Variants in IRAK4 observed in about 807,000 individuals in gnomAD.
IRAK4 encodes the protein interleukin 1 receptor associated kinase 4.
In IRAK4, 44 loss-of-function variants were observed where a neutral mutation model predicts 51.8. The ratio of observed to expected loss-of-function variants is 0.85; its 90% CI spans 0.67 to 1.09. IRAK4 has a LOEUF of 1.09. Ranked by LOEUF, IRAK4 falls within the 50% of genes least tolerant of loss-of-function variation. IRAK4 has a pLI of 0.00. For missense variants in IRAK4, 487 were observed against 538.0 expected (o/e 0.91, Z 0.94); for synonymous variants, 149 against 174.1 (o/e 0.86, Z 1.13).
Position 43,786,726 on chromosome 12 carries a change from G to C in IRAK4, c.*11G>C. ...ATGACAGCTTCTTAAAACTTTATTGGAAAAGACTCTTGACTTTTTATATAC... is the reference window on the plus strand; with the variant it reads ...ATGACAGCTTCTTAAAACTTTATTGCAAAAGACTCTTGACTTTTTATATAC... On this transcript the variant is annotated 3_prime_UTR_variant, in exon 12 of 12. Coordinates refer to ENST00000613694, the MANE Select transcript of IRAK4 (RefSeq NM_016123.4). 2 of 1,610,972 alleles carry C rather than the reference G, an allele frequency of 1.2e-6. No homozygotes were observed. The highest frequency in any genetic ancestry group is 1.7e-6 in the Non-Finnish European group (2 of 1,177,572).
At chr12:43,772,771 G>A (rs1940902038) in intron 4 of IRAK4, 141 bp from the exon 5 acceptor site, 1 of 687,242 alleles carries the variant, frequency 1.5e-6, no homozygotes, top group Non-Finnish European at 2.4e-6. Flanking sequence ...TTGTATTTTA[G>A]AAATGGTTTT....
chr12:43,784,910 T>A (rs933056057), intron 10 of IRAK4, among the ~76,000 whole-genome samples: 1 of 152,216 alleles, frequency 6.6e-6, no homozygotes, highest in African/African-American at 2.4e-5. Flanking sequence ...TGAAAGTGGT[T>A]TTGAAGAGTT....
chr12:43,786,988 G>C lies in IRAK4; in HGVS notation c.*273G>C. 2.1e-6 allele frequency: 1 copy of C among 465,390 alleles called. No homozygotes were observed. The highest frequency in any genetic ancestry group is 3.8e-5 in the East Asian group (1 of 26,666). The allele number at this position is 465,390 out of a possible 1,614,324, so 28.8% of individuals were successfully genotyped here. ...ACCAAACACAGTTTGAAAATTACAG[G>C]GTTAGCAAAAAGAGCCTGGGCTGTA... is the stretch of plus-strand genomic sequence containing the variant. On this transcript the variant is annotated 3_prime_UTR_variant, in exon 12 of 12. Transcript: ENST00000613694.
At chr12:43,786,039 ATT>A (rs58528160) in intron 10 of IRAK4, among the ~76,000 whole-genome samples, 137 of 140,456 alleles carry the variant, frequency 9.8e-4, no homozygotes, top group Middle Eastern at 7.5e-3. Context: ...TATGTCTTCA[ATT>A]TTTTTTTTTT....
At position 43,773,026 on chromosome 12, in the gene IRAK4, A is replaced by G. The variant is rs191097365; in HGVS notation, c.605A>G (p.Lys202Arg). The change falls in exon 5 of 12, where the codon AAA becomes AGA. Residue 202 changes from lysine (K) to arginine (R), a missense_variant. Lys to Arg is a conservative substitution (Grantham distance 26, BLOSUM62 2). Coordinates refer to ENST00000613694, the MANE Select transcript of IRAK4 (RefSeq NM_016123.4). ...MGEGGFGVVY[K>R]GYVNNTTVAV... is the part of the protein sequence containing the mutation. ...GAGGGAGGATTTGGAGTTGTATATA[A>G]AGGCTACGTAAATAACACAACTGTG... The G allele has an allele frequency of 6.2e-7, 1 of 1,613,222 alleles. No individual in the cohort carries two copies. Among genetic ancestry groups the G allele is most frequent in the Admixed American group, 1.7e-5 (1 of 60,016 alleles).
rs4251501 is a variant in IRAK4, at chr12:43,777,841, T to G, written c.831+97T>G. ...TGGATTATTTAAACCAAATTCACTT[T>G]CATATTTTTCCTGCTCTATGAAAAT... is the stretch of plus-strand genomic sequence containing the variant. On this transcript the variant is annotated intron_variant, in intron 7 of 11. Coordinates refer to ENST00000613694, the MANE Select transcript of IRAK4 (RefSeq NM_016123.4). The G allele has an allele frequency of 0.023, 23,627 of 1,030,432 alleles. 342 individuals are homozygous for G. Among genetic ancestry groups the G allele is most frequent in the Admixed American group, 0.04 (2,180 of 55,148 alleles). 63.8% of individuals were successfully genotyped at this position (1,030,432 alleles called of 1,614,324 possible).
At chr12:43,785,016 G>T (rs1942086944) in intron 10 of IRAK4, among the ~76,000 whole-genome samples, 1 of 152,088 alleles carries the variant, frequency 6.6e-6, no homozygotes, top group Non-Finnish European at 1.5e-5. Flanking sequence ...TAAAGCAACA[G>T]AAATTTATTT....
intron 1 of IRAK4, among the ~76,000 whole-genome samples, chr12:43,765,657 A>G (rs1453236934): frequency 1.3e-5 from 2 of 151,960 alleles, no homozygotes; most frequent in East Asian, 3.9e-4. Context: ...AAATCCATGC[A>G]TGGTTTTTGC....
At position 43,772,295 on chromosome 12, in the gene IRAK4, T is replaced by C. The variant is rs775016898; in HGVS notation, c.423T>C (p.Leu141=). Reference sequence around the variant, plus strand: ...CATTGATGACACCTGTGCAGAATCTTGAACAAAGCTATATGCCACCTGACT... The same window carrying C: ...CATTGATGACACCTGTGCAGAATCTCGAACAAAGCTATATGCCACCTGACT... ...DRTLMTPVQN[L]EQSYMPPDSS... The change falls in exon 4 of 12, where the codon CTT becomes CTC. Residue 141 remains leucine, a synonymous_variant. Coordinates refer to ENST00000613694, the MANE Select transcript of IRAK4 (RefSeq NM_016123.4). 8.7e-6 allele frequency: 14 copies of C among 1,613,786 alleles called. No individual in the cohort carries two copies. The highest frequency in any genetic ancestry group is 1.7e-6 in the Non-Finnish European group (2 of 1,179,968).
At position 43,777,614 on chromosome 12, in the gene IRAK4, A is replaced by C; in HGVS notation, c.717-16A>C. The C allele has an allele frequency of 6.3e-7, 1 of 1,592,660 alleles. No individual in the cohort carries two copies. On this transcript the variant is annotated splice_polypyrimidine_tract_variant and intron_variant, in intron 6 of 11. Coordinates refer to ENST00000613694, the MANE Select transcript of IRAK4 (RefSeq NM_016123.4). ...ATTTATTATAATAATTTTGCATGAA[A>C]AATTATTTGTCACAGGTGTCAACAT...
chr12:43,783,604 A>T (rs1941965489), intron 9 of IRAK4, 58 bp from the exon 10 acceptor site: 1 of 1,075,164 alleles, frequency 9.3e-7, no homozygotes, highest in Non-Finnish European at 1.4e-6. Context: ...TACAGGCGTT[A>T]GCCACTGTGC....
At chr12:43,763,724 A>C (rs1278214889) in intron 1 of IRAK4, among the ~76,000 whole-genome samples, 6 of 134,842 alleles carry the variant, frequency 4.4e-5, no homozygotes, top group South Asian at 2.4e-4. Flanking sequence ...CTCCCCTCAT[A>C]CTCCTCTCTC....
chr12:43,769,164 A>G (rs1457819116), intron 2 of IRAK4, among the ~76,000 whole-genome samples: 1 of 151,988 alleles, frequency 6.6e-6, no homozygotes, highest in Admixed American at 6.6e-5. Context: ...CTTTTTTCCA[A>G]GACTCATTCC....
Position 43,779,748 on chromosome 12 carries a change from G to A in IRAK4, c.941+1446G>A, listed in dbSNP as rs1283581953. Among the ~76,000 whole-genome samples, 2 of 152,146 alleles carry A rather than the reference G, an allele frequency of 1.3e-5. 1 individual carries two copies. Among genetic ancestry groups the A allele is most frequent in the African/African-American group, 4.8e-5 (2 of 41,438 alleles). On this transcript the variant is annotated intron_variant, in intron 8 of 11. Coordinates refer to ENST00000613694, the MANE Select transcript of IRAK4 (RefSeq NM_016123.4). Reference sequence around the variant, plus strand: ...TGGTTAGGTTGGGGTTAGAGAGATGGTTAGAAAATGTGAATTCTCTTTTGT... The same window carrying A: ...TGGTTAGGTTGGGGTTAGAGAGATGATTAGAAAATGTGAATTCTCTTTTGT...
At chr12:43,779,640 C>G (rs1221265621) in intron 8 of IRAK4, among the ~76,000 whole-genome samples, 1 of 152,040 alleles carries the variant, frequency 6.6e-6, no homozygotes, top group Non-Finnish European at 1.5e-5. Flanking sequence ...TCAGGAATGA[C>G]TCCTGGAATA....
At chr12:43,773,334 C>T (rs1259708179) in intron 5 of IRAK4, among the ~76,000 whole-genome samples, 1 of 152,126 alleles carries the variant, frequency 6.6e-6, no homozygotes, top group Non-Finnish European at 1.5e-5. Context: ...AGAAGCCCTG[C>T]TCCACATAGT....
intron 9 of IRAK4, 61 bp downstream of exon 9, chr12:43,782,551 A>C: frequency 7.3e-7 from 1 of 1,373,872 alleles, no homozygotes; most frequent in Non-Finnish European, 1.0e-6. Context: ...GAAAATGAAG[A>C]GAATATTATT....
intron 6 of IRAK4, 23 bp from the exon 7 acceptor site, chr12:43,777,607 G>T (rs560698399): frequency 4.7e-5 from 75 of 1,581,818 alleles, no homozygotes; most frequent in Non-Finnish European, 6.4e-5. Context: ...TAATAATTTT[G>T]CATGAAAAAT....
intron 8 of IRAK4, among the ~76,000 whole-genome samples, chr12:43,781,065 C>G (rs1267478667): frequency 6.6e-6 from 1 of 152,178 alleles, no homozygotes; most frequent in East Asian, 1.9e-4. Flanking sequence ...CTCTTCCCAA[C>G]CTAAAGTCTT....
Sources: allele counts gnomAD v4.1 joint callset (sites outside exome capture counted in the v4.1 genomes callset), GRCh38; gene constraint gnomAD v4.1.1; transcripts MANE v1.5; gene names NCBI Gene and HGNC (gene_info 2026-07-23, HGNC 2026-07-21).